The following LRP1B variants were observed in gnomAD, a reference collection of about 807,000 sequenced individuals.
LRP1B encodes the protein LDL receptor related protein 1B, also known as low-density lipoprotein receptor-related protein 1B.
LRP1B carries 217 observed loss-of-function variants against 556.6 expected under a neutral mutation model. The ratio of observed to expected loss-of-function variants is 0.39; its 90% confidence interval spans 0.35 to 0.44. The LOEUF is 0.44. Ranked by LOEUF, LRP1B falls within the 20% of genes least tolerant of loss-of-function variation. LRP1B has a pLI of 1.00. For missense variants in LRP1B, 5,053 were observed against 5,620.8 expected (o/e 0.90, Z 3.23); for synonymous variants, 2,047 against 1,865.8 (o/e 1.10, Z -2.50).
intron 1 of LRP1B, among the ~76,000 whole-genome samples, chr2:142,092,490 T>C (rs1706209527): frequency 6.6e-6 from 1 of 152,132 alleles, no homozygotes; most frequent in Non-Finnish European, 1.5e-5. Context: ...GGAAATTGCT[T>C]TTTAAAATTA....
chr2:140,675,746 C>A (rs539525892), intron 41 of LRP1B, among the ~76,000 whole-genome samples: 1 of 152,234 alleles, frequency 6.6e-6, no homozygotes, highest in East Asian at 1.9e-4. Context: ...CTCTGCACTC[C>A]AGCCTGGGCA....
intron 15 of LRP1B, among the ~76,000 whole-genome samples, chr2:141,001,389 T>C (rs1417200152): frequency 6.6e-6 from 1 of 152,066 alleles, no homozygotes; most frequent in Non-Finnish European, 1.5e-5. Flanking sequence ...GTTACATATG[T>C]ATACAAGTGC....
intron 1 of LRP1B, among the ~76,000 whole-genome samples, chr2:142,014,211 G>T (rs1405387085): frequency 2.2e-5 from 3 of 139,334 alleles, no homozygotes; most frequent in African/African-American, 6.8e-5. Context: ...TTGCACTGTG[G>T]ACTCGCCCTG....
chr2:140,522,572 C>A (rs535734426), intron 49 of LRP1B, among the ~76,000 whole-genome samples: 1 of 151,518 alleles, frequency 6.6e-6, no homozygotes, highest in Admixed American at 6.6e-5. Context: ...AAAATCAGAG[C>A]AGAAGAAAAT....
intron 3 of LRP1B, among the ~76,000 whole-genome samples, chr2:141,474,000 A>ATTCCTTCC (rs70994427): frequency 0.055 from 7,194 of 130,280 alleles, 256 homozygotes; most frequent in Middle Eastern, 0.096. Flanking sequence ...GCTTTACTAA[A>ATTCCTTCC]TTCCTTCCTT....
intron 7 of LRP1B, among the ~76,000 whole-genome samples, chr2:141,121,849 C>A (rs1177008260): frequency 6.6e-6 from 1 of 152,146 alleles, no homozygotes; most frequent in Non-Finnish European, 1.5e-5. Flanking sequence ...TGACTTCATG[C>A]TATACTACAA....
At chr2:140,892,917 C>T (rs1431138011) in intron 23 of LRP1B, among the ~76,000 whole-genome samples, 1 of 151,764 alleles carries the variant, frequency 6.6e-6, no homozygotes, top group Non-Finnish European at 1.5e-5. Context: ...ATACCAATTA[C>T]ATAATTAAAA....
chr2:140,534,012 A>G lies in LRP1B; in HGVS notation c.7762+9T>C. 1 of 1,612,316 alleles carries G rather than the reference A, an allele frequency of 6.2e-7. No individual in the cohort carries two copies. The highest frequency in any genetic ancestry group is 1.1e-5 in the South Asian group (1 of 90,802). On this transcript the variant is annotated intron_variant, in intron 47 of 90. Coordinates refer to ENST00000389484, the MANE Select transcript of LRP1B (RefSeq NM_018557.3). ...CCAATATTCTGAGATTGATGGAACA[A>G]GTATTTACCTTTACAATCTAATTCA...
chr2:141,145,922 CTTT>C (rs70991144), intron 7 of LRP1B, among the ~76,000 whole-genome samples: 100 of 67,206 alleles, frequency 1.5e-3, no homozygotes, highest in African/African-American at 5.7e-3. Context: ...TTCTTTCTTT[CTTT>C]TTTTTTTTTT....
intron 3 of LRP1B, among the ~76,000 whole-genome samples, chr2:141,405,292 T>A (rs1283166838): frequency 6.6e-6 from 1 of 152,168 alleles, no homozygotes; most frequent in East Asian, 1.9e-4. Context: ...TAGAATCTTA[T>A]AGGGAATATC....
intron 35 of LRP1B, among the ~76,000 whole-genome samples, chr2:140,758,940 A>C (rs566491523): frequency 6.6e-6 from 1 of 152,264 alleles, no homozygotes; most frequent in East Asian, 1.9e-4. Context: ...ATAACTTTTT[A>C]TATATGTTTA....
At chr2:141,456,105 G>C (rs772057529) in intron 3 of LRP1B, among the ~76,000 whole-genome samples, 9 of 152,176 alleles carry the variant, frequency 5.9e-5, no homozygotes, top group Non-Finnish European at 1.3e-4. Context: ...CTGCATCCAT[G>C]GCTTTAGCTG....
intron 2 of LRP1B, among the ~76,000 whole-genome samples, chr2:141,641,196 A>ACAGTGGGT (rs3039272): frequency 0.6 from 90,627 of 151,756 alleles, 27,268 homozygotes; most frequent in African/African-American, 0.66. Flanking sequence ...ATAGCTGGGT[A>ACAGTGGGT]GCTCAGTTGG....
chr2:141,030,718 C>T (rs1341936806), intron 11 of LRP1B, among the ~76,000 whole-genome samples: 2 of 151,978 alleles, frequency 1.3e-5, no homozygotes, highest in Non-Finnish European at 2.9e-5. Context: ...CAATATATTT[C>T]TTCAAGTTAT....
At chr2:141,965,905 C>G (rs1309328902) in intron 1 of LRP1B, among the ~76,000 whole-genome samples, 3 of 149,820 alleles carry the variant, frequency 2.0e-5, no homozygotes, top group African/African-American at 7.4e-5. Flanking sequence ...ATGCTATGAG[C>G]TAATTATTGA....
intron 72 of LRP1B, among the ~76,000 whole-genome samples, chr2:140,359,850 T>G (rs1354677092): frequency 6.6e-6 from 1 of 151,576 alleles, no homozygotes; most frequent in Non-Finnish European, 1.5e-5. Flanking sequence ...TCAAACACGT[T>G]TTATTTCCAT....
chr2:140,617,045 T>C (rs371165056), intron 41 of LRP1B, among the ~76,000 whole-genome samples: 1 of 152,094 alleles, frequency 6.6e-6, no homozygotes, highest in East Asian at 1.9e-4. Flanking sequence ...GTTAATGATG[T>C]GGGGACTCGG....
intron 1 of LRP1B, among the ~76,000 whole-genome samples, chr2:141,844,957 T>C (rs1697594965): frequency 6.6e-6 from 1 of 151,886 alleles, no homozygotes; most frequent in Non-Finnish European, 1.5e-5. Context: ...GCCTTATACC[T>C]ATTTGGTACT....
At chr2:140,546,879 CA>C (rs1261490731) in intron 43 of LRP1B, among the ~76,000 whole-genome samples, 1 of 152,016 alleles carries the variant, frequency 6.6e-6, no homozygotes, top group Non-Finnish European at 1.5e-5. Flanking sequence ...TGAATTTTAT[CA>C]AAAGCCTTTT....
Sources: allele counts gnomAD v4.1 joint callset (sites outside exome capture counted in the v4.1 genomes callset), GRCh38; gene constraint gnomAD v4.1.1; transcripts MANE v1.5; gene names NCBI Gene and HGNC (gene_info 2026-07-23, HGNC 2026-07-21).